Variants in PPARGC1A observed in about 807,000 individuals in gnomAD.
PPARGC1A encodes PPARG coactivator 1 alpha.
PPARGC1A carries 25 observed loss-of-function variants against 88.7 expected under a neutral mutation model. That is an observed-to-expected ratio of 0.28 (90% CI 0.21 to 0.39). The LOEUF (loss-of-function observed/expected upper bound fraction) is 0.39. PPARGC1A is among the 10% of genes least tolerant of loss of function. The pLI, the probability that PPARGC1A is intolerant of heterozygous loss-of-function variation, is 1.00. For missense variants in PPARGC1A, 880 were observed against 968.7 expected, an observed-to-expected ratio of 0.91 and a Z score of 1.22; for synonymous variants, 363 against 355.6, an observed-to-expected ratio of 1.02 and a Z score of -0.24.
intron 2 of PPARGC1A, among the ~76,000 whole-genome samples, chr4:23,844,491 C>T (rs1366534800): frequency 3.4e-5 from 4 of 117,950 alleles, no homozygotes; most frequent in South Asian, 2.3e-4. Context: ...TTATAATAAT[C>T]ATAATATATA....
At chr4:23,818,017 C>G (rs181509338) in intron 7 of PPARGC1A, among the ~76,000 whole-genome samples, 5 of 152,156 alleles carry the variant, frequency 3.3e-5, no homozygotes, top group Non-Finnish European at 7.4e-5. Context: ...ACTTTCCCCC[C>G]TGAAGTAAGA....
chr4:24,373,610 A>G, the PPARGC1A span, among the ~76,000 whole-genome samples: 1 of 152,238 alleles, frequency 6.6e-6, no homozygotes, highest in Admixed American at 6.5e-5. Context: ...GAAATGAGGC[A>G]TGTTATACAA....
chr4:24,220,348 T>C, the PPARGC1A span, among the ~76,000 whole-genome samples: 3 of 152,248 alleles, frequency 2.0e-5, no homozygotes, highest in Admixed American at 6.5e-5. Flanking sequence ...AGAATTGCCA[T>C]TCGGCCCAGC....
the PPARGC1A span, among the ~76,000 whole-genome samples, chr4:24,123,988 T>C: frequency 2.0e-5 from 3 of 150,778 alleles, no homozygotes; most frequent in Non-Finnish European, 2.9e-5. Flanking sequence ...AGCAAAAGTA[T>C]TGAGATTGGG....
the PPARGC1A span, among the ~76,000 whole-genome samples, chr4:24,295,621 G>A: frequency 6.6e-6 from 1 of 150,934 alleles, no homozygotes; most frequent in Admixed American, 6.6e-5. Context: ...AGGTTTAAGG[G>A]GGAAGAAACT....
At chr4:24,367,472 T>C in the PPARGC1A span, among the ~76,000 whole-genome samples, 873 of 152,308 alleles carry the variant, frequency 5.7e-3, 11 homozygotes, top group African/African-American at 0.02. Context: ...AAATGGGCTT[T>C]GCAATGAGCT....
the PPARGC1A span, among the ~76,000 whole-genome samples, chr4:24,396,045 A>G: frequency 6.6e-6 from 1 of 152,112 alleles, no homozygotes; most frequent in Non-Finnish European, 1.5e-5. Flanking sequence ...TGCTCTGAAG[A>G]TGCAACAGGT....
At chr4:24,420,375 G>A in the PPARGC1A span, among the ~76,000 whole-genome samples, 1 of 152,110 alleles carries the variant, frequency 6.6e-6, no homozygotes, top group Non-Finnish European at 1.5e-5. Flanking sequence ...CTGACAATCT[G>A]AGAACAGTTC....
the PPARGC1A span, among the ~76,000 whole-genome samples, chr4:24,118,536 CA>C: frequency 6.6e-6 from 1 of 152,086 alleles, no homozygotes; most frequent in Non-Finnish European, 1.5e-5. Context: ...AGGCAAGCCA[CA>C]GTAGAATATT....
At chr4:24,063,544 T>C in the PPARGC1A span, among the ~76,000 whole-genome samples, 54,929 of 151,912 alleles carry the variant, frequency 0.36, 10,156 homozygotes, top group East Asian at 0.5. Context: ...ATAATATTTC[T>C]CAGCCGACAT....
At chr4:24,055,907 G>C in the PPARGC1A span, among the ~76,000 whole-genome samples, 1 of 152,202 alleles carries the variant, frequency 6.6e-6, no homozygotes, top group African/African-American at 2.4e-5. Flanking sequence ...GTCTGCATTA[G>C]GGAACACTTT....
chr4:23,942,500 A>G, the PPARGC1A span, among the ~76,000 whole-genome samples: 1 of 152,214 alleles, frequency 6.6e-6, no homozygotes, highest in African/African-American at 2.4e-5. Flanking sequence ...TATAGAGTTT[A>G]GAACAAGTCC....
At chr4:24,224,009 T>G in the PPARGC1A span, among the ~76,000 whole-genome samples, 1 of 152,216 alleles carries the variant, frequency 6.6e-6, no homozygotes, top group Non-Finnish European at 1.5e-5. Context: ...ATGTTCTTAT[T>G]GATGATAAGC....
chr4:23,824,623 G>A (rs1030540374), intron 5 of PPARGC1A, 115 bp from the exon 6 acceptor site: 1 of 861,584 alleles, frequency 1.2e-6, no homozygotes, highest in African/African-American at 1.7e-5. Context: ...CTAAACTAAG[G>A]AATTCTCTGA....
chr4:24,217,532 G>A, the PPARGC1A span, among the ~76,000 whole-genome samples: 5 of 152,218 alleles, frequency 3.3e-5, no homozygotes, highest in Non-Finnish European at 5.9e-5. Context: ...GCTAGGCATG[G>A]GGGCTTATGT....
At chr4:23,932,675 G>A in the PPARGC1A span, among the ~76,000 whole-genome samples, 1,778 of 152,066 alleles carry the variant, frequency 0.012, 17 homozygotes, top group South Asian at 0.022. Flanking sequence ...ATAAAAAACT[G>A]TATTTAGTAG....
the PPARGC1A span, among the ~76,000 whole-genome samples, chr4:24,086,187 C>G: frequency 1.3e-5 from 2 of 152,134 alleles, no homozygotes. Flanking sequence ...CATCATCAGC[C>G]CAGAGACCTC....
chr4:23,875,373 T>C (rs1185848926), intron 2 of PPARGC1A, among the ~76,000 whole-genome samples: 1 of 152,162 alleles, frequency 6.6e-6, no homozygotes, highest in Non-Finnish European at 1.5e-5. Flanking sequence ...GGCTCTCTTC[T>C]GAAACATTTG....
the PPARGC1A span, among the ~76,000 whole-genome samples, chr4:24,159,204 A>AT: frequency 7.0e-6 from 1 of 142,450 alleles, no homozygotes; most frequent in African/African-American, 2.7e-5. Context: ...AAGGAAATTA[A>AT]CCTTTTTTTT....
Sources: allele counts gnomAD v4.1 joint callset (sites outside exome capture counted in the v4.1 genomes callset), GRCh38; gene constraint gnomAD v4.1.1; transcripts MANE v1.5; gene names NCBI Gene and HGNC (gene_info 2026-07-23, HGNC 2026-07-21).